Variants in COL12A1 observed in about 807,000 individuals in gnomAD.
The protein encoded by COL12A1 is collagen alpha-1(XII) chain.
In COL12A1, 114 loss-of-function variants were observed where a neutral mutation model predicts 349.7. The ratio of observed to expected loss-of-function variants is 0.33; its 90% CI spans 0.28 to 0.38. The LOEUF (loss-of-function observed/expected upper bound fraction) is 0.38. Among genes scored for constraint, COL12A1 ranks in the 10% least tolerant of loss-of-function variants. The pLI is 1.00. For synonymous variants in COL12A1, 1,369 were observed against 1,329.0 expected, an observed-to-expected ratio of 1.03 and a Z score of -0.66; for missense variants, 3,284 against 3,756.9, an observed-to-expected ratio of 0.87 and a Z score of 3.29.
intron 3 of COL12A1, among the ~76,000 whole-genome samples, chr6:75,194,223 C>T (rs890549613): frequency 6.6e-6 from 1 of 152,100 alleles, no homozygotes; most frequent in African/African-American, 2.4e-5. Context: ...CATTTTAGAA[C>T]TAAAAATTAA....
Position 75,165,547 on chromosome 6 carries a change from A to T in COL12A1, c.2943T>A (p.Ser981Arg). The T allele has an allele frequency of 2.5e-6, 4 of 1,613,854 alleles. No homozygotes were observed. The highest frequency in any genetic ancestry group is 3.4e-6 in the Non-Finnish European group (4 of 1,179,850). Residue 981 changes from serine (S) to arginine (R), a missense_variant, in exon 14 of 66, where the codon AGT becomes AGA. By Grantham distance (110) the Ser-to-Arg change is moderately radical. Coordinates refer to ENST00000322507, the MANE Select transcript of COL12A1 (RefSeq NM_004370.6). ...YRISVFATYSSGEGEPLTGDA... is the reference protein window; with the variant it reads ...YRISVFATYSRGEGEPLTGDA... Reference sequence around the variant, plus strand: ...CTCCAGTCAAAGGTTCTCCTTCTCCACTGCTGTAAGTGGCAAATACTGAAA... The same window carrying T: ...CTCCAGTCAAAGGTTCTCCTTCTCCTCTGCTGTAAGTGGCAAATACTGAAA...
In COL12A1 at chr6:75,134,870, G is replaced by T; in HGVS notation, c.5395-15C>A. 1 of 1,606,766 alleles carries T rather than the reference G, an allele frequency of 6.2e-7. No individual in the cohort carries two copies. Among genetic ancestry groups the T allele is most frequent in the Non-Finnish European group, 8.5e-7 (1 of 1,175,200 alleles). ...CCTATTGTGGTCTTGAGTAAAAAGG[G>T]TCTTGGTAAGTGTCAGCCTTGCTCT... On this transcript the variant is annotated splice_polypyrimidine_tract_variant and intron_variant, in intron 31 of 65. Coordinates refer to ENST00000322507, the MANE Select transcript of COL12A1 (RefSeq NM_004370.6).
intron 53 of COL12A1, among the ~76,000 whole-genome samples, 193 bp downstream of exon 53, chr6:75,106,226 T>G (rs563819011): frequency 1.3e-5 from 2 of 152,290 alleles, no homozygotes; most frequent in African/African-American, 4.8e-5. Context: ...AGTCTGTGTA[T>G]TACCAGCTTG....
chr6:75,152,148 C>A lies in COL12A1; in HGVS notation c.3818G>T (p.Gly1273Val). ...LQAVANLPYK[G>V]GNTLTGMALN... The stretch of plus-strand genomic sequence containing the variant: ...TTACTCACCTGTGAGAGTATTGCCT[C>A]CTTTGTACGGCAAGTTTGCCACAGC... Residue 1273 changes from glycine to valine, a missense_variant, in exon 19 of 66, where the codon GGA (glycine) becomes GTA (valine). Physicochemically the swap from Gly to Val is moderately radical, Grantham distance 109. Transcript: ENST00000322507. The A allele has an allele frequency of 6.2e-7, 1 of 1,613,842 alleles. No homozygotes were observed. The highest frequency in any genetic ancestry group is 8.5e-7 in the Non-Finnish European group (1 of 1,179,820).
chr6:75,178,306 T>A (rs1411856176), intron 11 of COL12A1, among the ~76,000 whole-genome samples: 2 of 152,266 alleles, frequency 1.3e-5, no homozygotes, highest in Admixed American at 1.3e-4. Context: ...AGACTTTCAC[T>A]CTTACTACAT....
At chr6:75,096,668 C>T (rs56091378) in intron 59 of COL12A1, among the ~76,000 whole-genome samples, 1 of 151,820 alleles carries the variant, frequency 6.6e-6, no homozygotes. Context: ...AGGCCGAGGC[C>T]GGCAGATCAC....
chr6:75,150,833 C>T (rs78052666), intron 21 of COL12A1, among the ~76,000 whole-genome samples: 1 of 152,120 alleles, frequency 6.6e-6, no homozygotes, highest in East Asian at 1.9e-4. Context: ...CTAAATATAT[C>T]CTCAAATAAG....
At chr6:75,162,894 A>G (rs941893148) in intron 14 of COL12A1, among the ~76,000 whole-genome samples, 2 of 152,238 alleles carry the variant, frequency 1.3e-5, no homozygotes, top group African/African-American at 2.4e-5. Flanking sequence ...TTATGCAGCC[A>G]ACAGACATAT....
Position 75,119,341 on chromosome 6 carries a change from T to C in COL12A1, c.7210+9A>G, listed in dbSNP as rs369099620. The C allele has an allele frequency of 2.6e-5, 42 of 1,611,722 alleles. No homozygotes were observed. The highest frequency in any genetic ancestry group is 1.5e-4 in the Admixed American group (9 of 59,714). On this transcript the variant is annotated intron_variant, in intron 45 of 65. Transcript: ENST00000322507. ...TGCTTGAAGAGTAAAGGTCTACATA[T>C]ACACATACCTGTTCTTGTGTTTCCT...
At chr6:75,143,552 T>C (rs772026020) in intron 25 of COL12A1, among the ~76,000 whole-genome samples, 164 bp from the exon 26 acceptor site, 7 of 152,112 alleles carry the variant, frequency 4.6e-5, no homozygotes, top group Non-Finnish European at 1.0e-4. Context: ...TTCTACCAGA[T>C]AGACTGAATT....
At position 75,115,678 on chromosome 6, in the gene COL12A1, A is replaced by G. The variant is rs953066961; in HGVS notation, c.7697+106T>C. On this transcript the variant is annotated intron_variant, in intron 49 of 65. Transcript: ENST00000322507. ...AAACCAATCAGGGTCATCCATAAGC[A>G]GTCTTCTGACAATTCTAAAGTCCCA... The G allele has an allele frequency of 3.0e-5, 41 of 1,350,134 alleles. 1 individual carries two copies. The South Asian group carries it at 5.8e-4, about 19-fold the overall frequency. The allele number at this position is 1,350,134 out of a possible 1,614,324, so 83.6% of individuals were successfully genotyped here.
chr6:75,126,693 C>G (rs1766034170), intron 38 of COL12A1, among the ~76,000 whole-genome samples: 1 of 152,104 alleles, frequency 6.6e-6, no homozygotes, highest in South Asian at 2.1e-4. Context: ...CTAGTGATTT[C>G]CAGAGCAGCC....
chr6:75,123,952 A>C lies in COL12A1; in HGVS notation c.6867T>G (p.His2289Gln), dbSNP rs759908990. Residue 2289 changes from histidine (H) to glutamine (Q), a missense_variant, in exon 42 of 66, where the codon CAT (histidine) becomes CAG (glutamine). By Grantham distance (24) the His-to-Gln change is conservative. Around this residue, in one of 2 missense-constraint regions of COL12A1, gnomAD observed 2,601 missense variants for 2,824.8 expected, o/e 0.92. Transcript: ENST00000322507. ...LEGPGVSVKE[H>Q]TTVKPTEAPT... ...CCAGATTCCTCAAAAACTTACTGGTATGTTCTTTAACAGAGACTCCTGGTC... is the reference window on the plus strand; with the variant it reads ...CCAGATTCCTCAAAAACTTACTGGTCTGTTCTTTAACAGAGACTCCTGGTC... 6.2e-7 allele frequency: 1 copy of C among 1,606,734 alleles called. No individual in the cohort carries two copies. The highest frequency in any genetic ancestry group is 1.7e-5 in the Admixed American group (1 of 59,438).
chr6:75,152,498 T>C lies in COL12A1; in HGVS notation c.3566-16A>G, dbSNP rs1265173793. ...CACTCCATCCCTGACATGGCAATCATGAGACAAGACAGTAAGAAGCAAATT... is the reference window on the plus strand; with the variant it reads ...CACTCCATCCCTGACATGGCAATCACGAGACAAGACAGTAAGAAGCAAATT... On this transcript the variant is annotated splice_polypyrimidine_tract_variant and intron_variant, in intron 17 of 65. Coordinates refer to ENST00000322507, the MANE Select transcript of COL12A1 (RefSeq NM_004370.6). 3 of 1,612,898 alleles carry C rather than the reference T, an allele frequency of 1.9e-6. No homozygotes were observed. Among genetic ancestry groups the C allele is most frequent in the Non-Finnish European group, 2.5e-6 (3 of 1,179,450 alleles).
rs932528660 is a variant in COL12A1 at position 75,119,901 on chromosome 6, T to C, written c.7087-428A>G. Among the ~76,000 whole-genome samples the C allele has an allele frequency of 6.2e-4, 95 of 152,202 alleles. 1 individual carries two copies. The highest frequency in any genetic ancestry group is 2.2e-3 in the African/African-American group (92 of 41,456). On this transcript the variant is annotated intron_variant, in intron 44 of 65. Transcript: ENST00000322507. Reference sequence around the variant, plus strand: ...TTTATGGCAATACAGAAATGTCACATGTGTGATTATAATCATCCCTCATCA... The same window carrying C: ...TTTATGGCAATACAGAAATGTCACACGTGTGATTATAATCATCCCTCATCA...
At chr6:75,160,746 C>T (rs1183995378) in intron 14 of COL12A1, among the ~76,000 whole-genome samples, 2 of 152,080 alleles carry the variant, frequency 1.3e-5, no homozygotes, top group South Asian at 2.1e-4. Flanking sequence ...ATACAGTAAG[C>T]CCTCACCTAA....
At chr6:75,167,399 T>A (rs1768367627) in intron 13 of COL12A1, among the ~76,000 whole-genome samples, 1 of 152,220 alleles carries the variant, frequency 6.6e-6, no homozygotes, top group Non-Finnish European at 1.5e-5. Context: ...GAAATGACCT[T>A]GCTTGAAAGC....
At chr6:75,120,391 AT>A (rs1440060689) in intron 44 of COL12A1, among the ~76,000 whole-genome samples, 1 of 152,182 alleles carries the variant, frequency 6.6e-6, no homozygotes, top group Non-Finnish European at 1.5e-5. Flanking sequence ...AAAATAGCTT[AT>A]TTTCATAATG....
At chr6:75,183,767 C>T (rs1470345064) in intron 9 of COL12A1, 87 bp downstream of exon 9, 13 of 1,547,048 alleles carry the variant, frequency 8.4e-6, no homozygotes, top group Non-Finnish European at 1.1e-5. Flanking sequence ...GCAAATATTT[C>T]ATTCAAAACT....
Sources: gnomAD v4.1 joint callset for allele counts (sites outside exome capture counted in the v4.1 genomes callset) on GRCh38, gnomAD v4.1.1 for gene constraint, gnomAD v4.1.1 regional missense constraint, MANE v1.5 for transcripts, NCBI Gene and HGNC (gene_info 2026-07-23, HGNC 2026-07-21) for gene names.